Variants in DNAAF5 observed in about 807,000 individuals in gnomAD.
DNAAF5 encodes dynein axonemal assembly factor 5.
A neutral mutation model predicts 75.8 loss-of-function variants in DNAAF5; 64 were observed. That is an observed-to-expected ratio of 0.84 (90% confidence interval 0.69 to 1.04). The LOEUF (loss-of-function observed/expected upper bound fraction) is 1.04, where lower values mean the gene tolerates loss of function less well. Among genes scored for constraint, DNAAF5 ranks in the 50% least tolerant of loss-of-function variants. The pLI, the probability that DNAAF5 is intolerant of heterozygous loss-of-function variation, is 0.00. For missense variants in DNAAF5, 1,269 were observed against 1,178.5 expected (o/e 1.08, Z -1.12); for synonymous variants, 657 against 557.2 (o/e 1.18, Z -2.52).
At chr7:757,261 C>A (rs1026049999) in intron 6 of DNAAF5, among the ~76,000 whole-genome samples, 51 of 152,220 alleles carry the variant, frequency 3.4e-4, no homozygotes, top group African/African-American at 1.2e-3. Flanking sequence ...CCAGCCCCAG[C>A]TGCAGGCGGC....
intron 12 of DNAAF5, among the ~76,000 whole-genome samples, chr7:783,358 G>A (rs1779041539): frequency 1.3e-5 from 2 of 152,342 alleles, no homozygotes; most frequent in African/African-American, 4.8e-5. Flanking sequence ...TGTGGCAGGG[G>A]GCGTGGGCCT....
intron 6 of DNAAF5, among the ~76,000 whole-genome samples, chr7:757,945 G>A (rs935939826): frequency 3.9e-5 from 6 of 152,182 alleles, no homozygotes; most frequent in African/African-American, 1.2e-4. Flanking sequence ...CTCCCTCTCC[G>A]TCCTCAGAAC....
chr7:762,150 TAA>T (rs2128080530), intron 7 of DNAAF5, among the ~76,000 whole-genome samples: 1 of 152,254 alleles, frequency 6.6e-6, no homozygotes, highest in Admixed American at 6.5e-5. Flanking sequence ...AAACAAGAAA[TAA>T]GACGTAACCT....
At chr7:742,171 T>C (rs1349065879) in intron 4 of DNAAF5, among the ~76,000 whole-genome samples, 1 of 152,176 alleles carries the variant, frequency 6.6e-6, no homozygotes, top group Non-Finnish European at 1.5e-5. Flanking sequence ...CGGGGCTGAG[T>C]GTCTTCCACT....
At chr7:747,397 G>A (rs76846158) in intron 4 of DNAAF5, among the ~76,000 whole-genome samples, 4,845 of 152,322 alleles carry the variant, frequency 0.032, 126 homozygotes, top group Non-Finnish European at 0.047. Flanking sequence ...TCCAGCTGGT[G>A]TGCAATGGTG....
intron 4 of DNAAF5, among the ~76,000 whole-genome samples, chr7:743,634 C>T (rs565653210): frequency 3.4e-5 from 5 of 147,902 alleles, no homozygotes; most frequent in South Asian, 2.2e-4. Context: ...CCAGTGAGAA[C>T]GCTCGATCTT....
At chr7:743,392 AAAAAC>A (rs1781982713) in intron 4 of DNAAF5, among the ~76,000 whole-genome samples, 4 of 150,426 alleles carry the variant, frequency 2.7e-5, no homozygotes, top group Non-Finnish European at 5.9e-5. Context: ...CAAACAAACA[AAAAAC>A]AGTTTCTCAT....
chr7:736,531 C>G (rs2128071409), intron 2 of DNAAF5, among the ~76,000 whole-genome samples: 1 of 152,282 alleles, frequency 6.6e-6, no homozygotes, highest in South Asian at 2.1e-4. Context: ...CCTGCTCTTT[C>G]TTGCTTTCCA....
intron 12 of DNAAF5, among the ~76,000 whole-genome samples, chr7:783,239 C>T (rs1022375727): frequency 1.3e-5 from 2 of 152,252 alleles, no homozygotes; most frequent in African/African-American, 4.8e-5. Flanking sequence ...AGCTCTGCTG[C>T]ACGACCCTGG....
chr7:731,456 A>G (rs771109859), intron 2 of DNAAF5, among the ~76,000 whole-genome samples: 18 of 152,176 alleles, frequency 1.2e-4, no homozygotes, highest in Non-Finnish European at 2.5e-4. Context: ...TACCATAACT[A>G]TGTGTCGACA....
intron 7 of DNAAF5, among the ~76,000 whole-genome samples, chr7:762,507 G>A (rs1316589947): frequency 1.3e-5 from 2 of 151,094 alleles, no homozygotes; most frequent in African/African-American, 4.9e-5. Context: ...AAAAAAAAGT[G>A]CATGTGCATG....
At position 775,060 on chromosome 7, in the gene DNAAF5, G is replaced by A. The variant is rs774637548; in HGVS notation, c.2137G>A (p.Asp713Asn). 6.2e-7 allele frequency: 1 copy of A among 1,614,052 alleles called. No individual in the cohort carries two copies. The change falls in exon 11 of 13, where the codon GAT becomes AAT. Residue 713 changes from aspartate to asparagine, a missense_variant. Transcript: ENST00000297440. ...MPQVLTTLEE[D>N]SKMTRLISCR... is the part of the protein sequence containing the mutation. ...CCAGGTCCTGACCACCCTGGAGGAGGATTCGAAGATGACGCGACTGATCTC... is the reference window on the plus strand; with the variant it reads ...CCAGGTCCTGACCACCCTGGAGGAGAATTCGAAGATGACGCGACTGATCTC...
At chr7:769,794 C>T (rs1778491438) in intron 8 of DNAAF5, among the ~76,000 whole-genome samples, 1 of 152,120 alleles carries the variant, frequency 6.6e-6, no homozygotes, top group Admixed American at 6.5e-5. Flanking sequence ...CGCCCACCAC[C>T]ACGCCCAGCT....
In DNAAF5 at chr7:780,075, C is replaced by A; in HGVS notation, c.2362C>A (p.Gln788Lys). 4 of 1,614,220 alleles carry A rather than the reference C, an allele frequency of 2.5e-6. No homozygotes were observed. Among genetic ancestry groups the A allele is most frequent in the Non-Finnish European group, 3.4e-6 (4 of 1,180,024 alleles). The change falls in exon 12 of 13, where the codon CAG becomes AAG. Residue 788 changes from glutamine to lysine, a missense_variant. By Grantham distance (53) the Gln-to-Lys change is moderately conservative (BLOSUM62 1). Transcript: ENST00000297440. Reference sequence around the variant, plus strand: ...AAAATCCTACTATCAGAGCAGTGTCCAGTACCTGTACCGAGAGTTGCTGGT... The same window carrying A: ...AAAATCCTACTATCAGAGCAGTGTCAAGTACCTGTACCGAGAGTTGCTGGT... ...NAKSYYQSSV[Q>K]YLYRELLVHL...
Position 735,039 on chromosome 7 carries a change from G to A in DNAAF5, c.780+5192G>A, listed in dbSNP as rs138766907. 4.1e-3 allele frequency among the ~76,000 whole-genome samples: 623 copies of A among 150,874 alleles called. 5 individuals are homozygous for A. Among genetic ancestry groups the A allele is most frequent in the East Asian group, 0.038 (194 of 5,060 alleles). On this transcript the variant is annotated intron_variant, in intron 2 of 12. Transcript: ENST00000297440. Reference sequence around the variant, plus strand: ...TGTAGTTCATGGTGTAGCTGCTCACGGTGTAGCTGCTCACAGTGTCGTTGC... The same window carrying A: ...TGTAGTTCATGGTGTAGCTGCTCACAGTGTAGCTGCTCACAGTGTCGTTGC...
intron 6 of DNAAF5, among the ~76,000 whole-genome samples, chr7:757,922 G>A (rs1416221630): frequency 6.6e-6 from 1 of 152,260 alleles, no homozygotes. Context: ...AGCCCGGCCT[G>A]TCCTGTGTCA....
At chr7:737,667 T>C (rs1455299642) in intron 2 of DNAAF5, among the ~76,000 whole-genome samples, 1 of 152,218 alleles carries the variant, frequency 6.6e-6, no homozygotes, top group Non-Finnish European at 1.5e-5. Context: ...CCTTCATGTT[T>C]GAAGGATTTT....
intron 8 of DNAAF5, among the ~76,000 whole-genome samples, chr7:765,886 G>C (rs899165327): frequency 1.3e-5 from 2 of 152,032 alleles, no homozygotes; most frequent in African/African-American, 4.8e-5. Context: ...TCTAGAAATG[G>C]GGTCATATAT....
chr7:774,220 C>A, intron 10 of DNAAF5, 22 bp downstream of exon 10: 4 of 1,587,674 alleles, frequency 2.5e-6, no homozygotes, highest in Non-Finnish European at 3.4e-6. Context: ...CCTGCGTGCT[C>A]GGTGGACACC....
Sources: allele counts gnomAD v4.1 joint callset (sites outside exome capture counted in the v4.1 genomes callset), GRCh38; gene constraint gnomAD v4.1.1; transcripts MANE v1.5; gene names NCBI Gene and HGNC (gene_info 2026-07-23, HGNC 2026-07-21).